The following SIPA1L1 variants were observed in gnomAD, a reference collection of about 807,000 sequenced individuals.
SIPA1L1 encodes the protein signal induced proliferation associated 1 like 1, also known as signal-induced proliferation-associated 1-like protein 1.
Under a neutral mutation model 162.7 loss-of-function variants are expected in SIPA1L1, and 26 were observed. That is an observed-to-expected ratio of 0.16 (90% CI 0.12 to 0.22). The LOEUF (loss-of-function observed/expected upper bound fraction) is 0.22, where lower values mean the gene tolerates loss of function less well. Among genes scored for constraint, SIPA1L1 ranks in the 10% least tolerant of loss-of-function variants. The pLI is 1.00. For synonymous variants in SIPA1L1, 829 were observed against 837.4 expected (o/e 0.99, Z 0.17); for missense variants, 1,874 against 2,241.0 (o/e 0.84, Z 3.31).
intron 2 of SIPA1L1, among the ~76,000 whole-genome samples, chr14:71,452,955 T>G (rs1340853634): frequency 6.6e-6 from 1 of 152,230 alleles, no homozygotes; most frequent in Non-Finnish European, 1.5e-5. Flanking sequence ...TTCAAATCTC[T>G]AGACCCTTCT....
chr14:71,651,108 A>G (rs2042581648), intron 8 of SIPA1L1, among the ~76,000 whole-genome samples: 1 of 152,232 alleles, frequency 6.6e-6, no homozygotes, highest in African/African-American at 2.4e-5. Context: ...GCATGAACCT[A>G]AAAGGTTGTC....
At chr14:71,543,125 A>ACT (rs1256945645) in intron 4 of SIPA1L1, among the ~76,000 whole-genome samples, 1 of 151,240 alleles carries the variant, frequency 6.6e-6, no homozygotes, top group Non-Finnish European at 1.5e-5. Context: ...TGCCCCATCC[A>ACT]CTCTCAGATC....
At chr14:71,593,489 G>A (rs1203160676) in intron 5 of SIPA1L1, among the ~76,000 whole-genome samples, 1 of 152,146 alleles carries the variant, frequency 6.6e-6, no homozygotes, top group Non-Finnish European at 1.5e-5. Context: ...GGTATTACAA[G>A]CGTGAGCCAC....
chr14:71,646,157 C>T (rs962339073), intron 7 of SIPA1L1, among the ~76,000 whole-genome samples: 1 of 151,490 alleles, frequency 6.6e-6, no homozygotes, highest in Non-Finnish European at 1.5e-5. Context: ...TCAGATTGCA[C>T]TGTCTGTTTC....
intron 2 of SIPA1L1, among the ~76,000 whole-genome samples, chr14:71,334,210 G>A (rs1216503884): frequency 6.6e-6 from 1 of 152,036 alleles, no homozygotes; most frequent in Non-Finnish European, 1.5e-5. Flanking sequence ...GTGAAATGGG[G>A]AGAGTGTCTG....
At chr14:71,350,354 G>A (rs1338168046) in intron 2 of SIPA1L1, among the ~76,000 whole-genome samples, 2 of 152,026 alleles carry the variant, frequency 1.3e-5, no homozygotes, top group African/African-American at 4.8e-5. Context: ...GTTGTAGTGA[G>A]CCGAGATCGC....
chr14:71,599,494 G>T (rs1216528729), intron 5 of SIPA1L1, among the ~76,000 whole-genome samples: 9 of 142,852 alleles, frequency 6.3e-5, no homozygotes, highest in Non-Finnish European at 1.4e-4. Flanking sequence ...ACCAAATAAT[G>T]TTCTGTTGTG....
chr14:71,355,380 G>A (rs1009185161), intron 2 of SIPA1L1, among the ~76,000 whole-genome samples: 1 of 152,142 alleles, frequency 6.6e-6, no homozygotes, highest in Non-Finnish European at 1.5e-5. Flanking sequence ...TGGTTTTAAC[G>A]TGATTATCTT....
chr14:71,375,326 G>A (rs967968744), intron 2 of SIPA1L1, among the ~76,000 whole-genome samples: 2 of 152,150 alleles, frequency 1.3e-5, no homozygotes, highest in South Asian at 2.1e-4. Context: ...AGATATATAA[G>A]TATTAATATA....
intron 2 of SIPA1L1, among the ~76,000 whole-genome samples, chr14:71,389,005 C>A (rs1298302597): frequency 6.6e-6 from 1 of 152,178 alleles, no homozygotes; most frequent in African/African-American, 2.4e-5. Flanking sequence ...GTCTCGAACT[C>A]CTAGGCTCAA....
chr14:71,675,456 G>C (rs778666634), intron 12 of SIPA1L1, among the ~76,000 whole-genome samples: 6 of 152,226 alleles, frequency 3.9e-5, no homozygotes, highest in Admixed American at 6.5e-5. Context: ...ACCTGGGCAG[G>C]GCAGGTGGGA....
chr14:71,575,080 A>G lies in SIPA1L1; in HGVS notation c.-302-12491A>G, dbSNP rs543587253. ...AACCATGATATAAATAAAGGATTCA[A>G]AATGTTTCCAATATGAAGCATTTCA... is the stretch of plus-strand genomic sequence containing the variant. On this transcript the variant is annotated intron_variant, in intron 4 of 23. Transcript: ENST00000381232. 6 of 152,336 alleles carry G rather than the reference A, an allele frequency of 3.9e-5. No homozygotes were observed. In the East Asian group the frequency reaches 5.8e-4, roughly 15 times the overall value. The allele number at this position is 152,336 out of a possible 1,614,324, so 9.4% of individuals were successfully genotyped here. A position where few individuals can be genotyped will look rare whatever the true frequency, so the allele number is the denominator to read the frequency against.
intron 5 of SIPA1L1, among the ~76,000 whole-genome samples, chr14:71,590,021 TAAAAAAAAAAAAAAAA>T (rs200463823): frequency 1.2e-5 from 1 of 85,104 alleles, no homozygotes; most frequent in Non-Finnish European, 2.3e-5. Context: ...AGTGGGAGAG[TAAAAAAAAAAAAAAAA>T]AAAAAAAATA....
At chr14:71,698,408 A>C (rs2149776650) in intron 13 of SIPA1L1, among the ~76,000 whole-genome samples, 1 of 152,362 alleles carries the variant, frequency 6.6e-6, no homozygotes, top group East Asian at 1.9e-4. Flanking sequence ...AATTCTAGTT[A>C]AATTCAACAA....
At chr14:71,679,127 A>G (rs1456827717) in intron 12 of SIPA1L1, among the ~76,000 whole-genome samples, 1 of 152,166 alleles carries the variant, frequency 6.6e-6, no homozygotes, top group Non-Finnish European at 1.5e-5. Flanking sequence ...TCCAAGACAC[A>G]TAATTGTCAG....
intron 3 of SIPA1L1, among the ~76,000 whole-genome samples, chr14:71,527,972 C>G (rs1197474119): frequency 6.6e-6 from 1 of 152,190 alleles, no homozygotes; most frequent in African/African-American, 2.4e-5. Flanking sequence ...ACTGCAAGCT[C>G]CGCCTCCCAG....
intron 16 of SIPA1L1, among the ~76,000 whole-genome samples, chr14:71,708,419 G>T (rs1052408934): frequency 5.9e-5 from 9 of 151,402 alleles, no homozygotes; most frequent in Non-Finnish European, 1.0e-4. Context: ...CAACCTCCTG[G>T]GCTCAAGCGA....
chr14:71,662,918 T>G (rs2043659103), intron 10 of SIPA1L1, among the ~76,000 whole-genome samples: 1 of 152,258 alleles, frequency 6.6e-6, no homozygotes, highest in African/African-American at 2.4e-5. Context: ...TGCTATGTAC[T>G]AGATTCATGC....
chr14:71,558,109 ATGTT>A (rs1218912883), intron 4 of SIPA1L1, among the ~76,000 whole-genome samples: 1 of 152,166 alleles, frequency 6.6e-6, no homozygotes, highest in African/African-American at 2.4e-5. Context: ...CTTACATCAT[ATGTT>A]TGTTTATTGT....
Sources: allele counts gnomAD v4.1 joint callset (sites outside exome capture counted in the v4.1 genomes callset), GRCh38; gene constraint gnomAD v4.1.1; transcripts MANE v1.5; gene names NCBI Gene and HGNC (gene_info 2026-07-23, HGNC 2026-07-21).